Variants in GPR158 observed in about 807,000 individuals in gnomAD.
GPR158 encodes metabotropic glycine receptor.
A neutral mutation model predicts 78.2 loss-of-function variants in GPR158; 30 were observed. That is an observed-to-expected ratio of 0.38 (90% CI 0.29 to 0.52). The LOEUF (loss-of-function observed/expected upper bound fraction) is 0.52, where lower values mean the gene tolerates loss of function less well. GPR158 is among the 20% of genes least tolerant of loss of function. GPR158 has a pLI of 0.83. For missense variants in GPR158, 1,463 were observed against 1,523.5 expected (o/e 0.96, Z 0.66); for synonymous variants, 581 against 591.1 (o/e 0.98, Z 0.25).
At position 25,537,551 on chromosome 10, in the gene GPR158, C is replaced by T. The variant is rs573260228; in HGVS notation, c.1405-13425C>T. ...TTACTTTGTGTGTTATGTATATACA[C>T]ACATACAATTTTATATATATTTATA... On this transcript the variant is annotated intron_variant, in intron 5 of 10. Coordinates refer to ENST00000376351, the MANE Select transcript of GPR158 (RefSeq NM_020752.3). Among the ~76,000 whole-genome samples, 1,091 of 152,134 alleles carry T rather than the reference C, an allele frequency of 7.2e-3. 7 individuals carry two copies. Among genetic ancestry groups the T allele is most frequent in the Non-Finnish European group, 0.011 (744 of 67,998 alleles).
At chr10:25,498,812 G>A (rs1835917581) in intron 5 of GPR158, among the ~76,000 whole-genome samples, 1 of 152,186 alleles carries the variant, frequency 6.6e-6, no homozygotes. Context: ...CCTTTGCCTA[G>A]AAGATGTTGG....
intron 1 of GPR158, among the ~76,000 whole-genome samples, chr10:25,219,096 C>T (rs1357960327): frequency 1.3e-5 from 2 of 152,152 alleles, no homozygotes; most frequent in African/African-American, 4.8e-5. Flanking sequence ...ATTGGATTAA[C>T]TTTGGTGGAA....
chr10:25,208,608 T>C (rs994907404), intron 1 of GPR158, among the ~76,000 whole-genome samples: 51 of 137,638 alleles, frequency 3.7e-4, no homozygotes, highest in Non-Finnish European at 6.9e-4. Context: ...GTGTGTGTAT[T>C]AGAATTGAGA....
chr10:25,487,986 T>C (rs1481011330), intron 5 of GPR158, among the ~76,000 whole-genome samples: 1 of 152,122 alleles, frequency 6.6e-6, no homozygotes, highest in Non-Finnish European at 1.5e-5. Context: ...AAAATAATTA[T>C]TAAATGGAAG....
chr10:25,304,984 T>C (rs1205078895), intron 2 of GPR158, among the ~76,000 whole-genome samples: 1 of 152,224 alleles, frequency 6.6e-6, no homozygotes, highest in East Asian at 1.9e-4. Flanking sequence ...CTATAGCCCC[T>C]GACTCTTAGC....
intron 2 of GPR158, among the ~76,000 whole-genome samples, chr10:25,388,703 G>T (rs1331153156): frequency 3.3e-5 from 5 of 152,246 alleles, no homozygotes; most frequent in Admixed American, 6.5e-5. Context: ...AGTGGGAGCT[G>T]GGAGCAGGCA....
intron 5 of GPR158, among the ~76,000 whole-genome samples, chr10:25,513,546 T>C (rs1176014966): frequency 1.3e-5 from 2 of 152,034 alleles, no homozygotes; most frequent in Non-Finnish European, 2.9e-5. Flanking sequence ...TCGTTGTTTC[T>C]TTTCTTCTGC....
intron 4 of GPR158, among the ~76,000 whole-genome samples, chr10:25,458,650 C>T (rs747943612): frequency 5.3e-5 from 8 of 152,188 alleles, no homozygotes; most frequent in Non-Finnish European, 1.2e-4. Context: ...TACACCTGGG[C>T]ATTATGACTC....
At chr10:25,369,406 TC>T (rs2130546348) in intron 2 of GPR158, among the ~76,000 whole-genome samples, 1 of 149,994 alleles carries the variant, frequency 6.7e-6, no homozygotes, top group South Asian at 2.1e-4. Flanking sequence ...AAAGGCTTTT[TC>T]TGCATCTATT....
intron 1 of GPR158, among the ~76,000 whole-genome samples, chr10:25,199,140 T>TTTG: frequency 6.6e-6 from 1 of 151,148 alleles, no homozygotes; most frequent in Admixed American, 6.6e-5. Flanking sequence ...GTTTTTTTTT[T>TTTG]GCTTTTATTA....
At chr10:25,454,818 T>C (rs975977599) in intron 4 of GPR158, among the ~76,000 whole-genome samples, 8 of 152,178 alleles carry the variant, frequency 5.3e-5, no homozygotes, top group African/African-American at 1.9e-4. Flanking sequence ...ACTGTTTAAC[T>C]TATTCTCTAA....
At chr10:25,573,784 AATAAAATGTGTATTT>A (rs1344059489) in intron 7 of GPR158, among the ~76,000 whole-genome samples, 7 of 152,152 alleles carry the variant, frequency 4.6e-5, no homozygotes, top group Non-Finnish European at 1.0e-4. Flanking sequence ...GCTGGAAGCT[AATAAAATGTGTATTT>A]AGTTTAGAGT....
chr10:25,372,263 C>A (rs1333914704), intron 2 of GPR158, among the ~76,000 whole-genome samples: 2 of 151,898 alleles, frequency 1.3e-5, no homozygotes, highest in Non-Finnish European at 2.9e-5. Flanking sequence ...GTTGGTGGGA[C>A]TATAAACTGG....
At chr10:25,533,753 A>G (rs946175127) in intron 5 of GPR158, among the ~76,000 whole-genome samples, 1 of 152,096 alleles carries the variant, frequency 6.6e-6, no homozygotes, top group Non-Finnish European at 1.5e-5. Context: ...AAAGATCACT[A>G]ATTTTAATCT....
intron 2 of GPR158, among the ~76,000 whole-genome samples, chr10:25,350,078 T>A (rs189358266): frequency 1.3e-5 from 2 of 151,970 alleles, no homozygotes; most frequent in Admixed American, 1.3e-4. Flanking sequence ...GGATAGGGGC[T>A]GAATTTTCAC....
chr10:25,232,325 A>G (rs1301587406), intron 2 of GPR158, among the ~76,000 whole-genome samples: 2 of 152,134 alleles, frequency 1.3e-5, no homozygotes, highest in African/African-American at 4.8e-5. Flanking sequence ...AGCAAATCAG[A>G]TCTAATCTGG....
intron 4 of GPR158, among the ~76,000 whole-genome samples, chr10:25,416,220 C>T (rs1754277): frequency 0.69 from 105,494 of 151,986 alleles, 37,703 homozygotes; most frequent in Non-Finnish European, 0.8. Context: ...CCAAGTATGA[C>T]ATTTAAAGTA....
chr10:25,392,969 G>T (rs1462663430), intron 2 of GPR158, among the ~76,000 whole-genome samples: 1 of 151,904 alleles, frequency 6.6e-6, no homozygotes, highest in Non-Finnish European at 1.5e-5. Context: ...AATTGACAAA[G>T]TTTTTTTTCT....
At chr10:25,407,746 C>T (rs1431895417) in intron 3 of GPR158, among the ~76,000 whole-genome samples, 1 of 152,126 alleles carries the variant, frequency 6.6e-6, no homozygotes, top group Admixed American at 6.5e-5. Context: ...TGCGTGCAGC[C>T]ATTTTTACTG....
Sources: gnomAD v4.1 joint callset for allele counts (sites outside exome capture counted in the v4.1 genomes callset) on GRCh38, gnomAD v4.1.1 for gene constraint, MANE v1.5 for transcripts, NCBI Gene and HGNC (gene_info 2026-07-23, HGNC 2026-07-21) for gene names.